Variants in PRKCA observed in about 807,000 individuals in gnomAD.
PRKCA encodes the protein protein kinase C alpha type.
A neutral mutation model predicts 87.0 loss-of-function variants in PRKCA; 27 were observed. That is an observed-to-expected ratio of 0.31 (90% CI 0.23 to 0.43). The LOEUF (loss-of-function observed/expected upper bound fraction) is 0.43. Ranked by LOEUF, PRKCA falls within the 20% of genes least tolerant of loss-of-function variation. The pLI is 1.00. For synonymous variants in PRKCA, 329 were observed against 311.1 expected, an observed-to-expected ratio of 1.06 and a Z score of -0.61; for missense variants, 518 against 852.3, an observed-to-expected ratio of 0.61 and a Z score of 4.88.
chr17:66,740,955 C>G (rs1357951625), intron 11 of PRKCA, among the ~76,000 whole-genome samples: 1 of 152,172 alleles, frequency 6.6e-6, no homozygotes, highest in Non-Finnish European at 1.5e-5. Flanking sequence ...TTTTTCCTCT[C>G]TGCTCGTGTA....
chr17:66,780,031 C>A (rs959638810), intron 14 of PRKCA, among the ~76,000 whole-genome samples: 1 of 152,118 alleles, frequency 6.6e-6, no homozygotes, highest in Non-Finnish European at 1.5e-5. Flanking sequence ...GGCCTGAGAG[C>A]GAGTGATTAC....
intron 5 of PRKCA, among the ~76,000 whole-genome samples, chr17:66,675,762 C>T (rs1598864616): frequency 6.6e-6 from 1 of 152,154 alleles, no homozygotes; most frequent in Admixed American, 6.5e-5. Context: ...CTGCGGCCAC[C>T]GGAGCCTGCC....
chr17:66,559,883 G>A (rs754738199), intron 3 of PRKCA, among the ~76,000 whole-genome samples: 2 of 152,124 alleles, frequency 1.3e-5, no homozygotes, highest in Non-Finnish European at 2.9e-5. Flanking sequence ...AGTTCTGGCC[G>A]CTGGGGCAGA....
chr17:66,730,320 G>A (rs908582475), intron 8 of PRKCA, among the ~76,000 whole-genome samples: 12 of 152,274 alleles, frequency 7.9e-5, no homozygotes, highest in African/African-American at 2.9e-4. Flanking sequence ...GGGCGGGAGG[G>A]AATTCAAGAG....
At chr17:66,609,340 GTAAA>G (rs1056956949) in intron 3 of PRKCA, among the ~76,000 whole-genome samples, 6 of 152,140 alleles carry the variant, frequency 3.9e-5, no homozygotes, top group African/African-American at 7.2e-5. Flanking sequence ...GAGGCCACTG[GTAAA>G]TGAATGAATG....
intron 3 of PRKCA, among the ~76,000 whole-genome samples, chr17:66,608,902 A>G (rs887265351): frequency 6.6e-6 from 1 of 152,252 alleles, no homozygotes; most frequent in Non-Finnish European, 1.5e-5. Flanking sequence ...AAGATTAAAT[A>G]ACAGCTTCCC....
At chr17:66,423,769 A>G (rs1315347070) in intron 2 of PRKCA, among the ~76,000 whole-genome samples, 2 of 152,036 alleles carry the variant, frequency 1.3e-5, no homozygotes, top group African/African-American at 2.4e-5. Context: ...AGAACTTTGC[A>G]TGGATAACTC....
At chr17:66,340,818 G>C (rs575255770) in intron 2 of PRKCA, among the ~76,000 whole-genome samples, 1 of 152,222 alleles carries the variant, frequency 6.6e-6, no homozygotes, top group Admixed American at 6.5e-5. Context: ...AATAAATTTT[G>C]TGAAAATTAT....
intron 3 of PRKCA, among the ~76,000 whole-genome samples, chr17:66,615,302 A>G (rs150211744): frequency 6.6e-6 from 1 of 152,176 alleles, no homozygotes; most frequent in African/African-American, 2.4e-5. Context: ...GCCCAGCTCA[A>G]ATGAGGGTTC....
chr17:66,513,192 T>A (rs1188534714), intron 3 of PRKCA, among the ~76,000 whole-genome samples: 1 of 152,244 alleles, frequency 6.6e-6, no homozygotes, highest in Non-Finnish European at 1.5e-5. Context: ...ATTTGTTGGC[T>A]GGATGAGTGA....
chr17:66,638,429 A>G (rs1194851013), intron 3 of PRKCA: 1 of 152,158 alleles, frequency 6.6e-6, no homozygotes, highest in Non-Finnish European at 1.5e-5. Context: ...GGTCATTAAC[A>G]TCTCTGTAAA....
At chr17:66,592,184 G>A (rs1428193081) in intron 3 of PRKCA, among the ~76,000 whole-genome samples, 8 of 151,748 alleles carry the variant, frequency 5.3e-5, no homozygotes, top group East Asian at 1.9e-4. Context: ...GCAAAACCCC[G>A]TCTCTACTAC....
chr17:66,379,581 A>G (rs1015090753), intron 2 of PRKCA, among the ~76,000 whole-genome samples: 1 of 152,184 alleles, frequency 6.6e-6, no homozygotes, highest in African/African-American at 2.4e-5. Context: ...AGCTTCACTA[A>G]TTGTAATTTT....
At chr17:66,738,356 C>T in intron 10 of PRKCA, among the ~76,000 whole-genome samples, 1 of 152,276 alleles carries the variant, frequency 6.6e-6, no homozygotes, top group East Asian at 1.9e-4. Context: ...CACTGCAAAC[C>T]AGCCTTTAAA....
chr17:66,385,864 TCTC>T (rs1188739368), intron 2 of PRKCA, among the ~76,000 whole-genome samples: 2 of 152,202 alleles, frequency 1.3e-5, no homozygotes, highest in African/African-American at 4.8e-5. Flanking sequence ...GTCAAGCAAT[TCTC>T]CTGCCTCAGC....
In PRKCA at chr17:66,732,736, G is replaced by C. The variant is rs1196162859; in HGVS notation, c.967G>C (p.Asp323His). 1 of 1,614,166 alleles carries C rather than the reference G, an allele frequency of 6.2e-7. No individual in the cohort carries two copies. Among genetic ancestry groups the C allele is most frequent in the East Asian group, 2.2e-5 (1 of 44,888 alleles). The part of the protein sequence containing the change: ...AGNKVISPSE[D>H]RKQPSNNLDR... ...CAACAAAGTCATCAGTCCCTCTGAA[G>C]ACAGGAAACAACCTTCCAACAACCT... is the stretch of plus-strand genomic sequence containing the variant. The change falls in exon 9 of 17, where the codon GAC becomes CAC. Residue 323 changes from aspartate (D) to histidine (H), a missense_variant. By Grantham distance (81) the Asp-to-His change is moderately conservative. Coordinates refer to ENST00000413366, the MANE Select transcript of PRKCA (RefSeq NM_002737.3).
chr17:66,690,406 C>T (rs1972746575), intron 8 of PRKCA, among the ~76,000 whole-genome samples: 1 of 152,126 alleles, frequency 6.6e-6, no homozygotes, highest in Non-Finnish European at 1.5e-5. Flanking sequence ...CTACCCTGCC[C>T]CACTCGATGT....
intron 7 of PRKCA, 83 bp downstream of exon 7, chr17:66,688,519 G>C (rs991535854): frequency 1.0e-5 from 16 of 1,557,990 alleles, no homozygotes; most frequent in Admixed American, 3.5e-5. Context: ...AATGTCAGTT[G>C]AGGCTGGACA....
At chr17:66,372,115 G>A (rs919715899) in intron 2 of PRKCA, among the ~76,000 whole-genome samples, 3 of 152,174 alleles carry the variant, frequency 2.0e-5, no homozygotes, top group Non-Finnish European at 2.9e-5. Flanking sequence ...TATGAGTCTC[G>A]TGGGGACTTC....
Sources: gnomAD v4.1 joint callset for allele counts (sites outside exome capture counted in the v4.1 genomes callset) on GRCh38, gnomAD v4.1.1 for gene constraint, MANE v1.5 for transcripts, NCBI Gene and HGNC (gene_info 2026-07-23, HGNC 2026-07-21) for gene names.